The following LRP1B variants were observed in gnomAD, a reference collection of about 807,000 sequenced individuals.
The protein encoded by LRP1B is LDL receptor related protein 1B.
A neutral mutation model predicts 556.6 loss-of-function variants in LRP1B; 217 were observed. That is an observed-to-expected ratio of 0.39 (90% CI 0.35 to 0.44). LRP1B has a LOEUF of 0.44. Among genes scored for constraint, LRP1B ranks in the 20% least tolerant of loss-of-function variants. The pLI is 1.00. For missense variants in LRP1B, 5,053 were observed against 5,620.8 expected, an observed-to-expected ratio of 0.90 and a Z score of 3.23; for synonymous variants, 2,047 against 1,865.8, an observed-to-expected ratio of 1.10 and a Z score of -2.50.
intron 1 of LRP1B, among the ~76,000 whole-genome samples, chr2:142,071,019 G>C (rs1705292677): frequency 6.6e-6 from 1 of 151,756 alleles, no homozygotes; most frequent in Admixed American, 6.6e-5. Flanking sequence ...TTAATGAACT[G>C]GATATTAAGA....
chr2:141,779,947 A>G (rs1039758956), intron 2 of LRP1B, among the ~76,000 whole-genome samples: 1 of 151,394 alleles, frequency 6.6e-6, no homozygotes, highest in Non-Finnish European at 1.5e-5. Context: ...TAAAACTTCT[A>G]TTATGTCCCT....
chr2:141,423,590 A>C (rs1253379342), intron 3 of LRP1B, among the ~76,000 whole-genome samples: 1 of 152,100 alleles, frequency 6.6e-6, no homozygotes. Flanking sequence ...TGGATAACTA[A>C]GCAGCTATTG....
intron 4 of LRP1B, among the ~76,000 whole-genome samples, chr2:141,250,509 C>T (rs1490736747): frequency 6.6e-6 from 1 of 152,176 alleles, no homozygotes; most frequent in African/African-American, 2.4e-5. Flanking sequence ...CTTCCCGTTC[C>T]TTGCCCTATG....
chr2:141,431,730 A>T (rs189218599), intron 3 of LRP1B, among the ~76,000 whole-genome samples: 3 of 152,212 alleles, frequency 2.0e-5, no homozygotes, highest in East Asian at 3.9e-4. Flanking sequence ...TCTGATTTTT[A>T]AAATATTATA....
At position 140,339,797 on chromosome 2, in the gene LRP1B, T is replaced by A. The variant is rs192388201; in HGVS notation, c.11893-3959A>T. ...CATACAGCAGTGGAGAAATCCTAAG[T>A]GAACTAAGAAAAAGTTATATTTAGA... On this transcript the variant is annotated intron_variant, in intron 77 of 90. Coordinates refer to ENST00000389484, the MANE Select transcript of LRP1B (RefSeq NM_018557.3). Among the ~76,000 whole-genome samples the A allele has an allele frequency of 5.9e-5, 9 of 151,632 alleles. No homozygotes were observed. The East Asian group carries it at 7.8e-4, about 13-fold the overall frequency.
chr2:141,331,541 T>TTTCTTTCTTTCTTTTTCTTTC lies in LRP1B; in HGVS notation c.344-76901_344-76900insGAAAGAAAAAGAAAGAAAGAA, dbSNP rs141339943. ...TTCTTTCTCTTTCTTTCTTTCTTTC[T>TTTCTTTCTTTCTTTTTCTTTC]TTCTTTCTTTCTTATTTGGGAGGGA... On this transcript the variant is annotated intron_variant, in intron 3 of 90. Transcript: ENST00000389484. 6.2e-5 allele frequency among the ~76,000 whole-genome samples: 9 copies of TTTCTTTCTTTCTTTTTCTTTC among 144,740 alleles called. No homozygotes were observed. In the South Asian group the frequency reaches 6.5e-4, roughly 10 times the overall value. The allele number at this position is 144,740 out of a possible 152,430, so 95.0% of individuals were successfully genotyped here.
At chr2:140,665,532 C>CT (rs1314340910) in intron 41 of LRP1B, among the ~76,000 whole-genome samples, 2 of 152,052 alleles carry the variant, frequency 1.3e-5, no homozygotes, top group Non-Finnish European at 2.9e-5. Flanking sequence ...ATTATTTTCC[C>CT]TTTTTTCCAT....
intron 2 of LRP1B, among the ~76,000 whole-genome samples, chr2:141,584,181 G>A (rs1687049825): frequency 6.6e-6 from 1 of 151,864 alleles, no homozygotes; most frequent in Non-Finnish European, 1.5e-5. Flanking sequence ...GGAGACAAAG[G>A]TTGCAGTGAG....
chr2:141,084,661 T>A (rs1253874348), intron 7 of LRP1B, among the ~76,000 whole-genome samples: 2 of 151,830 alleles, frequency 1.3e-5, no homozygotes, highest in Non-Finnish European at 2.9e-5. Flanking sequence ...TCTTTTTTTT[T>A]TTTTTTCAGA....
At chr2:141,549,227 C>T (rs1400534124) in intron 2 of LRP1B, among the ~76,000 whole-genome samples, 1 of 152,062 alleles carries the variant, frequency 6.6e-6, no homozygotes, top group African/African-American at 2.4e-5. Flanking sequence ...GTATCCACAT[C>T]CCAAAAATGG....
chr2:140,604,400 T>A (rs1279951435), intron 41 of LRP1B, among the ~76,000 whole-genome samples: 1 of 152,040 alleles, frequency 6.6e-6, no homozygotes, highest in Admixed American at 6.6e-5. Context: ...TGTACCCTAT[T>A]TCCTGGATTC....
At chr2:141,806,892 GTCTT>G (rs949009120) in intron 2 of LRP1B, among the ~76,000 whole-genome samples, 3 of 151,926 alleles carry the variant, frequency 2.0e-5, no homozygotes, top group Non-Finnish European at 4.4e-5. Flanking sequence ...TGCTAGAGTG[GTCTT>G]TCTATCATTT....
chr2:140,459,392 A>G (rs1211318098), intron 60 of LRP1B, among the ~76,000 whole-genome samples: 1 of 152,190 alleles, frequency 6.6e-6, no homozygotes, highest in Non-Finnish European at 1.5e-5. Flanking sequence ...GCCTCAAAAT[A>G]TTTAATGTGA....
In LRP1B at chr2:141,519,405, A is replaced by ATATATATAT. The variant is rs1559118227; in HGVS notation, c.206-38873_206-38872insATATATATA. Among the ~76,000 whole-genome samples, 166 of 25,646 alleles carry ATATATATAT rather than the reference A, an allele frequency of 6.5e-3. 9 individuals carry two copies. The highest frequency in any genetic ancestry group is 0.011 in the South Asian group (9 of 816). 16.8% of individuals were successfully genotyped at this position (25,646 alleles called of 152,430 possible). A position where few individuals can be genotyped will look rare whatever the true frequency, so the allele number is the denominator to read the frequency against. ...TATATATATATATATATATATATGA[A>ATATATATAT]ATGCAATATTTATTGAATTTAGTTT... On this transcript the variant is annotated intron_variant, in intron 2 of 90. Transcript: ENST00000389484.
In LRP1B at chr2:140,948,763, C is replaced by T. The variant is rs1344125130; in HGVS notation, c.3136+1472G>A. ...GTTTCACTGCCTCAGGGCCTATAGG[C>T]CATTGTTTAGCCATATTTGGATCTT... On this transcript the variant is annotated intron_variant, in intron 20 of 90. Transcript: ENST00000389484. Among the ~76,000 whole-genome samples, 5 of 152,286 alleles carry T rather than the reference C, an allele frequency of 3.3e-5. No homozygotes were observed. In the East Asian group the frequency reaches 9.7e-4, roughly 29 times the overall value.
At chr2:141,794,145 C>G (rs555522229) in intron 2 of LRP1B, among the ~76,000 whole-genome samples, 9 of 151,836 alleles carry the variant, frequency 5.9e-5, no homozygotes. Context: ...CTTTTCCCCC[C>G]ACATCTTGAA....
At chr2:142,079,051 A>G (rs1243724025) in intron 1 of LRP1B, among the ~76,000 whole-genome samples, 2 of 152,204 alleles carry the variant, frequency 1.3e-5, no homozygotes, top group South Asian at 2.1e-4. Flanking sequence ...ATATTTTAAC[A>G]TGATTCAAAG....
intron 3 of LRP1B, among the ~76,000 whole-genome samples, chr2:141,265,482 C>G (rs1241418877): frequency 6.6e-6 from 1 of 152,156 alleles, no homozygotes; most frequent in Non-Finnish European, 1.5e-5. Context: ...TGCATAAGAG[C>G]CTTGAGGTCT....
At position 141,384,429 on chromosome 2, in the gene LRP1B, T is replaced by C. The variant is rs185179151; in HGVS notation, c.343+95967A>G. 8.5e-5 allele frequency among the ~76,000 whole-genome samples: 13 copies of C among 152,166 alleles called. No individual in the cohort carries two copies. In the South Asian group the frequency reaches 1.0e-3, roughly 12 times the overall value. ...TGGAAAGACAAATATATTTAAGAAA[T>C]TGGAAATCTATATTAATAGGTGTGA... On this transcript the variant is annotated intron_variant, in intron 3 of 90. Transcript: ENST00000389484.
Sources: allele counts gnomAD v4.1 joint callset (sites outside exome capture counted in the v4.1 genomes callset), GRCh38; gene constraint gnomAD v4.1.1; transcripts MANE v1.5; gene names NCBI Gene and HGNC (gene_info 2026-07-23, HGNC 2026-07-21).